Variants in FBXO15 observed in about 807,000 individuals in gnomAD.
FBXO15 encodes F-box only protein 15.
A neutral mutation model predicts 49.5 loss-of-function variants in FBXO15; 30 were observed. The observed-to-expected ratio is 0.61, with a 90% CI of 0.45 to 0.82. FBXO15 has a LOEUF of 0.82. FBXO15 is among the 40% of genes least tolerant of loss of function. FBXO15 has a pLI of 0.00. For synonymous variants in FBXO15, 250 were observed against 232.7 expected, an observed-to-expected ratio of 1.07 and a Z score of -0.68; for missense variants, 591 against 631.5, an observed-to-expected ratio of 0.94 and a Z score of 0.69.
chr18:74,084,940 T>C (rs1017927115), intron 8 of FBXO15, among the ~76,000 whole-genome samples: 4 of 152,062 alleles, frequency 2.6e-5, no homozygotes, highest in Non-Finnish European at 4.4e-5. Flanking sequence ...TTAAGTACCC[T>C]CTATACTTTA....
chr18:74,105,729 A>G (rs1599155170), intron 8 of FBXO15, among the ~76,000 whole-genome samples: 1 of 152,238 alleles, frequency 6.6e-6, no homozygotes, highest in Admixed American at 6.5e-5. Flanking sequence ...TACAGGCATG[A>G]GACACTGTGC....
intron 5 of FBXO15, among the ~76,000 whole-genome samples, chr18:74,127,126 T>C (rs895243133): frequency 6.6e-6 from 1 of 152,218 alleles, no homozygotes; most frequent in Non-Finnish European, 1.5e-5. Context: ...ACCAGCCTGC[T>C]GAGTGGGGAC....
At chr18:74,120,278 T>C (rs563242912) in intron 8 of FBXO15, among the ~76,000 whole-genome samples, 2 of 152,328 alleles carry the variant, frequency 1.3e-5, no homozygotes, top group East Asian at 3.9e-4. Flanking sequence ...TCTCTCTAAC[T>C]GATAAAACAA....
chr18:74,132,856 C>G (rs148048694), intron 3 of FBXO15, among the ~76,000 whole-genome samples: 7 of 152,112 alleles, frequency 4.6e-5, no homozygotes, highest in Non-Finnish European at 1.0e-4. Context: ...CCAGATGTCA[C>G]CTCATCCACA....
At chr18:74,098,693 T>G (rs1357724564) in intron 8 of FBXO15, 1 of 152,148 alleles carries the variant, frequency 6.6e-6, no homozygotes, top group Non-Finnish European at 1.5e-5. Context: ...GAAAACATAT[T>G]TGGGGGAATA....
chr18:74,130,420 G>A lies in FBXO15; in HGVS notation c.571C>T (p.Leu191Phe). 9 of 1,614,100 alleles carry A rather than the reference G, an allele frequency of 5.6e-6. No individual in the cohort carries two copies. The highest frequency in any genetic ancestry group is 6.8e-6 in the Non-Finnish European group (8 of 1,179,980). ...CTTTTGGAACACACTGCGTACCTGA[G>A]GGCCTCTTTGGTCTTAACTGGAAGG... ...TGLPVKTKEA[L>F]RIFGLGWAII... Residue 191 changes from leucine (L) to phenylalanine (F), a missense_variant, in exon 4 of 10, where the codon CTC becomes TTC. Transcript: ENST00000419743.
At chr18:74,121,252 C>G (rs1373579487) in intron 8 of FBXO15, among the ~76,000 whole-genome samples, 1 of 152,188 alleles carries the variant, frequency 6.6e-6, no homozygotes, top group African/African-American at 2.4e-5. Context: ...CAATTCTATG[C>G]AAAATCCTCC....
At chr18:74,130,281 G>A in intron 4 of FBXO15, 135 bp downstream of exon 4, 3 of 1,235,762 alleles carry the variant, frequency 2.4e-6, no homozygotes, top group Non-Finnish European at 3.3e-6. Context: ...ATAGGAAAAT[G>A]ATACATATTT....
At chr18:74,146,353 T>C (rs779715474) in intron 1 of FBXO15, among the ~76,000 whole-genome samples, 1 of 152,198 alleles carries the variant, frequency 6.6e-6, no homozygotes, top group Non-Finnish European at 1.5e-5. Context: ...TTACCAAAAA[T>C]AATGCATACA....
At chr18:74,103,841 C>T (rs1913630145) in intron 8 of FBXO15, among the ~76,000 whole-genome samples, 1 of 152,116 alleles carries the variant, frequency 6.6e-6, no homozygotes, top group Non-Finnish European at 1.5e-5. Context: ...AGGCAATTCA[C>T]CAACACCAGA....
intron 4 of FBXO15, among the ~76,000 whole-genome samples, 157 bp from the exon 5 acceptor site, chr18:74,129,771 T>G (rs1212903681): frequency 1.3e-5 from 2 of 152,206 alleles, no homozygotes; most frequent in Non-Finnish European, 2.9e-5. Flanking sequence ...TCAACAATAG[T>G]ACTCTCTTTA....
chr18:74,076,920 C>A (rs1431189581), intron 9 of FBXO15, among the ~76,000 whole-genome samples: 1 of 152,188 alleles, frequency 6.6e-6, no homozygotes, highest in African/African-American at 2.4e-5. Context: ...CTGAGAGATC[C>A]TCTTCCCATC....
chr18:74,079,104 T>G (rs1912380753), intron 9 of FBXO15, among the ~76,000 whole-genome samples: 1 of 151,998 alleles, frequency 6.6e-6, no homozygotes, highest in Admixed American at 6.6e-5. Context: ...TTGATGCCAA[T>G]CTCCATATAG....
At chr18:74,123,289 T>C in intron 8 of FBXO15, 79 bp downstream of exon 8, 1 of 1,480,988 alleles carries the variant, frequency 6.8e-7, no homozygotes. Flanking sequence ...TGAGGGCAAT[T>C]CTTAACTCGG....
rs1978985556 is a variant in FBXO15 at position 74,140,274 on chromosome 18, G to A, written c.155C>T (p.Ala52Val). 3 of 1,551,456 alleles carry A rather than the reference G, an allele frequency of 1.9e-6. No homozygotes were observed. The South Asian group carries it at 3.6e-5, about 18-fold the overall frequency. ...PGVKLSAGSA[A>V]LRCHAGGGQH... ...TCCACCTCCGGCATGGCACCTCAGG[G>A]CAGCAGAGCCTGCAGAAAGCTTGAC... The change falls in exon 2 of 10, where the codon GCC becomes GTC. Residue 52 changes from alanine to valine, a missense_variant. Physicochemically the swap from Ala to Val is moderately conservative, Grantham distance 64 (BLOSUM62 0). Transcript: ENST00000419743.
At chr18:74,085,547 C>T (rs1192453281) in intron 8 of FBXO15, among the ~76,000 whole-genome samples, 4 of 152,146 alleles carry the variant, frequency 2.6e-5, no homozygotes, top group African/African-American at 4.8e-5. Flanking sequence ...GAGCCGAGAT[C>T]GCACCACTGC....
intron 8 of FBXO15, among the ~76,000 whole-genome samples, chr18:74,084,586 T>A (rs529273670): frequency 6.6e-6 from 1 of 152,236 alleles, no homozygotes; most frequent in East Asian, 1.9e-4. Flanking sequence ...TAGCCTTCAT[T>A]AAATTCCCGT....
chr18:74,098,556 T>G (rs1913382287), intron 8 of FBXO15: 1 of 152,046 alleles, frequency 6.6e-6, no homozygotes, highest in Admixed American at 6.6e-5. Flanking sequence ...TAACCCAGTC[T>G]AACAAAGACA....
chr18:74,110,355 A>C (rs1913967524), intron 8 of FBXO15, among the ~76,000 whole-genome samples: 1 of 151,790 alleles, frequency 6.6e-6, no homozygotes, highest in Non-Finnish European at 1.5e-5. Context: ...TTTGTGGTAA[A>C]TATGGTAAAT....
Sources: allele counts gnomAD v4.1 joint callset (sites outside exome capture counted in the v4.1 genomes callset), GRCh38; gene constraint gnomAD v4.1.1; transcripts MANE v1.5; gene names NCBI Gene and HGNC (gene_info 2026-07-23, HGNC 2026-07-21).